Variants in STARD13 observed in about 807,000 individuals in gnomAD.
The protein encoded by STARD13 is stAR-related lipid transfer protein 13.
Under a neutral mutation model 106.4 loss-of-function variants are expected in STARD13, and 62 were observed. The ratio of observed to expected loss-of-function variants is 0.58; its 90% CI spans 0.48 to 0.72. The LOEUF (loss-of-function observed/expected upper bound fraction) is 0.72, where lower values mean the gene tolerates loss of function less well. Among genes scored for constraint, STARD13 ranks in the 30% least tolerant of loss-of-function variants. STARD13 has a pLI of 0.00. For synonymous variants in STARD13, 565 were observed against 553.0 expected (o/e 1.02, Z -0.31); for missense variants, 1,387 against 1,424.0 (o/e 0.97, Z 0.42).
At chr13:33,637,791 A>G in the STARD13 span, among the ~76,000 whole-genome samples, 3 of 152,236 alleles carry the variant, frequency 2.0e-5, no homozygotes, top group Admixed American at 1.3e-4. Context: ...GGAAGTTACA[A>G]TTAATGCTAA....
chr13:33,614,179 G>A, the STARD13 span, among the ~76,000 whole-genome samples: 4 of 152,002 alleles, frequency 2.6e-5, no homozygotes, highest in Non-Finnish European at 5.9e-5. Context: ...AGAGCCCTTG[G>A]CAACCAGCTC....
chr13:33,555,105 G>A, the STARD13 span, among the ~76,000 whole-genome samples: 2 of 152,196 alleles, frequency 1.3e-5, no homozygotes, highest in Admixed American at 6.5e-5. Context: ...AAGAAAGGAT[G>A]TAGGAAGTAA....
At chr13:33,117,665 T>C (rs1339299906) in intron 8 of STARD13, 1 of 955,940 alleles carries the variant, frequency 1.0e-6, no homozygotes, top group African/African-American at 1.8e-5. Flanking sequence ...TTTTAATTCA[T>C]GTCACTTTGA....
intron 3 of STARD13, among the ~76,000 whole-genome samples, chr13:33,157,825 G>A (rs1166417684): frequency 6.6e-6 from 1 of 152,178 alleles, no homozygotes; most frequent in African/African-American, 2.4e-5. Flanking sequence ...ACTGCAATTT[G>A]TCCTAAAGGT....
At chr13:33,174,739 T>C (rs533654804) in intron 1 of STARD13, among the ~76,000 whole-genome samples, 2 of 152,336 alleles carry the variant, frequency 1.3e-5, no homozygotes, top group Admixed American at 6.5e-5. Flanking sequence ...ATTCACTCTA[T>C]AGATGAGGCA....
At chr13:33,240,297 T>A (rs1889406381) in intron 1 of STARD13, among the ~76,000 whole-genome samples, 1 of 152,172 alleles carries the variant, frequency 6.6e-6, no homozygotes, top group Non-Finnish European at 1.5e-5. Flanking sequence ...CTTAGTAACA[T>A]GTTTGAAATC....
the STARD13 span, among the ~76,000 whole-genome samples, chr13:33,591,704 T>C: frequency 6.6e-6 from 1 of 152,192 alleles, no homozygotes; most frequent in Admixed American, 6.5e-5. Flanking sequence ...GGCTGTGCAT[T>C]TGGGGAGTTC....
At chr13:33,468,523 A>G in the STARD13 span, among the ~76,000 whole-genome samples, 1 of 152,032 alleles carries the variant, frequency 6.6e-6, no homozygotes, top group African/African-American at 2.4e-5. Context: ...TGTGTTTGTT[A>G]TCATAGGAGT....
the STARD13 span, among the ~76,000 whole-genome samples, chr13:33,657,262 C>T: frequency 4.8e-5 from 7 of 145,120 alleles, no homozygotes; most frequent in East Asian, 2.1e-4. Flanking sequence ...AGTGAGACTC[C>T]GTCTCAAACA....
chr13:33,254,191 C>T (rs1890225849), intron 1 of STARD13, among the ~76,000 whole-genome samples: 2 of 152,268 alleles, frequency 1.3e-5, no homozygotes, highest in African/African-American at 2.4e-5. Flanking sequence ...GCAAAGCGGA[C>T]TGAGGTCAGA....
the STARD13 span, among the ~76,000 whole-genome samples, chr13:33,562,513 T>C: frequency 6.8e-6 from 1 of 146,856 alleles, no homozygotes; most frequent in African/African-American, 2.5e-5. Context: ...TATATGGTAA[T>C]TTATATATAT....
At chr13:33,391,623 G>A in the STARD13 span, among the ~76,000 whole-genome samples, 1 of 152,162 alleles carries the variant, frequency 6.6e-6, no homozygotes, top group African/African-American at 2.4e-5. Flanking sequence ...CACAAATGAT[G>A]GAAGAAGGAG....
the STARD13 span, among the ~76,000 whole-genome samples, chr13:33,636,682 T>C: frequency 6.6e-6 from 1 of 152,230 alleles, no homozygotes; most frequent in Non-Finnish European, 1.5e-5. Context: ...TTTTATCTTA[T>C]ACTTGCCATT....
chr13:33,182,761 A>G (rs1451033720), intron 1 of STARD13, among the ~76,000 whole-genome samples: 2 of 152,240 alleles, frequency 1.3e-5, no homozygotes, highest in South Asian at 2.1e-4. Context: ...AACAGAACCC[A>G]ATAGCTCTCC....
chr13:33,517,344 G>T, the STARD13 span, among the ~76,000 whole-genome samples: 1 of 152,134 alleles, frequency 6.6e-6, no homozygotes, highest in Non-Finnish European at 1.5e-5. Context: ...GAGGATAGAT[G>T]TAAGAATTTG....
At chr13:33,186,265 C>G (rs923924368) in intron 1 of STARD13, among the ~76,000 whole-genome samples, 7 of 152,144 alleles carry the variant, frequency 4.6e-5, no homozygotes. Flanking sequence ...ATAGAAAGAA[C>G]CACACACTTT....
the STARD13 span, among the ~76,000 whole-genome samples, chr13:33,612,118 T>C: frequency 6.6e-6 from 1 of 152,146 alleles, no homozygotes; most frequent in African/African-American, 2.4e-5. Context: ...TCTAAGGGGC[T>C]AAAATAACTA....
chr13:33,623,814 T>C, the STARD13 span, among the ~76,000 whole-genome samples: 3 of 152,044 alleles, frequency 2.0e-5, no homozygotes, highest in Admixed American at 2.0e-4. Flanking sequence ...AAAAAAAGAC[T>C]TCACAATAGA....
Position 33,178,011 on chromosome 13 carries a change from AAAGGAAGG to A in STARD13, c.170-10397_170-10390del, listed in dbSNP as rs1188701987. 9.3e-4 allele frequency among the ~76,000 whole-genome samples: 20 copies of A among 21,452 alleles called. 2 individuals carry two copies. Among genetic ancestry groups the A allele is most frequent in the African/African-American group, 2.2e-3 (12 of 5,400 alleles). 14.1% of individuals were successfully genotyped at this position (21,452 alleles called of 152,430 possible). ...AAAGGAAGGAAGGAAGGAAGGAAGG[AAAGGAAGG>A]AAGGAAGGAAGGAAGGAAGGAAGGA... On this transcript the variant is annotated intron_variant, in intron 1 of 13. Coordinates refer to ENST00000336934, the MANE Select transcript of STARD13 (RefSeq NM_178006.4).
Sources: allele counts gnomAD v4.1 joint callset (sites outside exome capture counted in the v4.1 genomes callset), GRCh38; gene constraint gnomAD v4.1.1; transcripts MANE v1.5; gene names NCBI Gene and HGNC (gene_info 2026-07-23, HGNC 2026-07-21).